PRR16: variants seen among roughly 807,000 people sequenced by gnomAD.
PRR16 encodes proline rich 16, also known as protein Largen.
In PRR16, 6 loss-of-function variants were observed where a neutral mutation model predicts 18.2. The ratio of observed to expected loss-of-function variants is 0.33; its 90% CI spans 0.18 to 0.65. PRR16 has a LOEUF of 0.65. Among genes scored for constraint, PRR16 ranks in the 30% least tolerant of loss-of-function variants. The pLI is 0.74. For missense variants in PRR16, 412 were observed against 376.6 expected (o/e 1.09, Z -0.78); for synonymous variants, 151 against 147.8 (o/e 1.02, Z -0.16).
At chr5:120,689,716 G>T (rs1229722019), downstream of PRR16, among the ~76,000 whole-genome samples, 5 of 150,878 alleles carry the variant, frequency 3.3e-5, 1 homozygote, top group South Asian at 8.3e-4. Context: ...ATTTCAAAAG[G>T]CATGGTAATC....
the PRR16 span, among the ~76,000 whole-genome samples, chr5:120,707,626 A>AT: frequency 1.3e-5 from 2 of 152,222 alleles, no homozygotes; most frequent in African/African-American, 4.8e-5. Context: ...CAGACAGCAC[A>AT]TGAGTCTCTA....
At chr5:120,509,684 A>G (rs1750758508) in intron 1 of PRR16, among the ~76,000 whole-genome samples, 1 of 152,146 alleles carries the variant, frequency 6.6e-6, no homozygotes, top group Non-Finnish European at 1.5e-5. Context: ...TTGCTGTTAT[A>G]GACATCAGAG....
chr5:120,674,106 C>T (rs189403377), intron 1 of PRR16, among the ~76,000 whole-genome samples: 61 of 152,140 alleles, frequency 4.0e-4, no homozygotes, highest in African/African-American at 1.3e-3. Flanking sequence ...TACATGTCGA[C>T]GCTACAGGGC....
intron 1 of PRR16, among the ~76,000 whole-genome samples, chr5:120,478,659 A>T (rs150779011): frequency 1.3e-5 from 2 of 152,266 alleles, no homozygotes; most frequent in East Asian, 3.9e-4. Context: ...TCTTTAGGCA[A>T]AAGTCTGACT....
rs190012747 is a variant in PRR16, at chr5:120,600,436, T to C, written c.160-85518T>C. 3.5e-3 allele frequency among the ~76,000 whole-genome samples: 534 copies of C among 152,030 alleles called. 7 individuals carry two copies. Among genetic ancestry groups the C allele is most frequent in the African/African-American group, 0.012 (492 of 41,544 alleles). Reference sequence around the variant, plus strand: ...ATAATGATAATTGGGATTATTTCAATAGTTCAGAAATTTGCAAACTGAATA... The same window carrying C: ...ATAATGATAATTGGGATTATTTCAACAGTTCAGAAATTTGCAAACTGAATA... On this transcript the variant is annotated intron_variant, in intron 1 of 1. Coordinates refer to ENST00000407149, the MANE Select transcript of PRR16 (RefSeq NM_001300783.2).
In PRR16 at chr5:120,577,341, A is replaced by G. The variant is rs80097807; in HGVS notation, c.160-108613A>G. On this transcript the variant is annotated intron_variant, in intron 1 of 1. Coordinates refer to ENST00000407149, the MANE Select transcript of PRR16 (RefSeq NM_001300783.2). ...AAATGTTGTAAATTCAGAAAAATGT[A>G]GAAAGTAGAGAGAGACTGTTTTATT... 7.7e-3 allele frequency among the ~76,000 whole-genome samples: 1,177 copies of G among 152,130 alleles called. 12 individuals carry two copies. The highest frequency in any genetic ancestry group is 0.026 in the African/African-American group (1,078 of 41,486).
At chr5:120,630,618 T>C (rs1301075494) in intron 1 of PRR16, among the ~76,000 whole-genome samples, 1 of 152,074 alleles carries the variant, frequency 6.6e-6, no homozygotes, top group African/African-American at 2.4e-5. Flanking sequence ...AAAACATCCA[T>C]GTCTTCTACC....
At chr5:120,698,308 A>G in the PRR16 span, among the ~76,000 whole-genome samples, 76 of 152,196 alleles carry the variant, frequency 5.0e-4, no homozygotes, top group Non-Finnish European at 4.0e-4. Context: ...TTTTGTATGA[A>G]TTGAAAAACT....
intron 1 of PRR16, among the ~76,000 whole-genome samples, chr5:120,577,963 C>G (rs1333757551): frequency 6.6e-6 from 1 of 151,992 alleles, no homozygotes; most frequent in Non-Finnish European, 1.5e-5. Flanking sequence ...AGATCAGACT[C>G]AAGTGGTATG....
At chr5:120,584,865 C>T (rs1045300177) in intron 1 of PRR16, among the ~76,000 whole-genome samples, 51 of 152,052 alleles carry the variant, frequency 3.4e-4, no homozygotes, top group Non-Finnish European at 5.9e-5. Flanking sequence ...CCCAATGATC[C>T]CATAAGACAG....
intron 1 of PRR16, among the ~76,000 whole-genome samples, chr5:120,678,974 A>T (rs775128880): frequency 1.6e-4 from 24 of 152,144 alleles, no homozygotes; most frequent in Non-Finnish European, 2.8e-4. Context: ...TTGAAATTAG[A>T]TATATTTATC....
the PRR16 span, among the ~76,000 whole-genome samples, chr5:120,739,476 G>C: frequency 1.3e-5 from 2 of 152,130 alleles, no homozygotes; most frequent in Non-Finnish European, 2.9e-5. Flanking sequence ...AACAAAGACA[G>C]TTGCCATGTC....
the PRR16 span, among the ~76,000 whole-genome samples, chr5:120,752,877 C>G: frequency 6.6e-6 from 1 of 151,808 alleles, no homozygotes; most frequent in Non-Finnish European, 1.5e-5. Flanking sequence ...TATATTTTCT[C>G]AGGTACAGAA....
chr5:120,635,832 G>C (rs969157912), intron 1 of PRR16, among the ~76,000 whole-genome samples: 12 of 152,050 alleles, frequency 7.9e-5, no homozygotes, highest in African/African-American at 2.9e-4. Context: ...TCAAACTGGT[G>C]CTGTTTGCTG....
chr5:120,574,031 A>G (rs747206728), intron 1 of PRR16, among the ~76,000 whole-genome samples: 2 of 152,112 alleles, frequency 1.3e-5, no homozygotes, highest in Admixed American at 1.3e-4. Flanking sequence ...ATTTTGTAGT[A>G]GACAAATACA....
the PRR16 span, among the ~76,000 whole-genome samples, chr5:120,778,780 T>G: frequency 1.3e-5 from 2 of 152,200 alleles, no homozygotes; most frequent in Non-Finnish European, 2.9e-5. Context: ...GAAGGCATTT[T>G]GTCATTTATT....
At position 120,595,825 on chromosome 5, in the gene PRR16, T is replaced by G. The variant is rs1197055998; in HGVS notation, c.160-90129T>G. 2.0e-5 allele frequency among the ~76,000 whole-genome samples: 3 copies of G among 152,150 alleles called. No individual in the cohort carries two copies. In the East Asian group the frequency reaches 5.8e-4, roughly 29 times the overall value. On this transcript the variant is annotated intron_variant, in intron 1 of 1. Coordinates refer to ENST00000407149, the MANE Select transcript of PRR16 (RefSeq NM_001300783.2). Reference sequence around the variant, plus strand: ...TTGAAGAGTTTTGGATCTCTAATATTGCTTTATCTTGACAGTAGTCTTATT... The same window carrying G: ...TTGAAGAGTTTTGGATCTCTAATATGGCTTTATCTTGACAGTAGTCTTATT...
At chr5:120,582,000 G>T (rs953488761) in intron 1 of PRR16, among the ~76,000 whole-genome samples, 2 of 152,128 alleles carry the variant, frequency 1.3e-5, no homozygotes, top group Admixed American at 6.6e-5. Flanking sequence ...AAGGACACCT[G>T]CAATGGTATG....
At position 120,637,333 on chromosome 5, in the gene PRR16, A is replaced by AAC. The variant is rs1755266291; in HGVS notation, c.160-48620_160-48619insCA. ...CATTATACGGAAAAAAAAAAAAAAA[A>AAC]AAAAAAAAAACTTGCACACACATGT... On this transcript the variant is annotated intron_variant, in intron 1 of 1. Transcript: ENST00000407149. Among the ~76,000 whole-genome samples, 4 of 150,448 alleles carry AAC rather than the reference A, an allele frequency of 2.7e-5. No homozygotes were observed. In the South Asian group the frequency reaches 8.3e-4, roughly 31 times the overall value.
Sources: allele counts gnomAD v4.1 joint callset (sites outside exome capture counted in the v4.1 genomes callset), GRCh38; gene constraint gnomAD v4.1.1; transcripts MANE v1.5; gene names NCBI Gene and HGNC (gene_info 2026-07-23, HGNC 2026-07-21).